SCRG1: variants seen among roughly 807,000 people sequenced by gnomAD.
The protein encoded by SCRG1 is stimulator of chondrogenesis 1.
A neutral mutation model predicts 7.7 loss-of-function variants in SCRG1; 3 were observed. The ratio of observed to expected loss-of-function variants is 0.39; its 90% CI spans 0.18 to 1.01. The LOEUF is 1.01. Among genes scored for constraint, SCRG1 ranks in the 50% least tolerant of loss-of-function variants. SCRG1 has a pLI of 0.36. For synonymous variants in SCRG1, 46 were observed against 41.2 expected (o/e 1.12, Z -0.44); for missense variants, 110 against 117.2 (o/e 0.94, Z 0.28).
chr4:173,518,637 C>CTG, the SCRG1 span, among the ~76,000 whole-genome samples: 20 of 152,152 alleles, frequency 1.3e-4, no homozygotes, highest in Non-Finnish European at 2.1e-4. Context: ...CCAGAACCTG[C>CTG]CGAGCCCCTG....
rs1739440687 is a variant in SCRG1, at chr4:173,391,383, C to T, written c.32G>A (p.Gly11Glu). The change falls in exon 2 of 3, where the codon GGG (glycine) becomes GAG (glutamate). Residue 11 changes from glycine (G) to glutamate (E), a missense_variant. Gly to Glu is a moderately conservative substitution (Grantham distance 98). Coordinates refer to ENST00000296506, the MANE Select transcript of SCRG1 (RefSeq NM_007281.4). MKLMVLVFTI[G>E]LTLLLGVQAM... ...TTGAACTCCTAGCAGCAAAGTTAGC[C>T]CAATGGTGAAAACAAGTACCATCAG... The T allele has an allele frequency of 1.2e-6, 2 of 1,614,004 alleles. No homozygotes were observed. The highest frequency in any genetic ancestry group is 1.7e-6 in the Non-Finnish European group (2 of 1,180,038).
chr4:173,482,807 G>C, the SCRG1 span, among the ~76,000 whole-genome samples: 1 of 148,670 alleles, frequency 6.7e-6, no homozygotes, highest in African/African-American at 2.5e-5. Context: ...GACAAAGTGA[G>C]ACCCTGTCTC....
the SCRG1 span, among the ~76,000 whole-genome samples, chr4:173,426,226 A>G: frequency 6.6e-6 from 1 of 152,326 alleles, no homozygotes; most frequent in South Asian, 2.1e-4. Flanking sequence ...TCTGTACTAC[A>G]TCTGTAGAAG....
At chr4:173,444,342 T>C in the SCRG1 span, among the ~76,000 whole-genome samples, 9 of 152,192 alleles carry the variant, frequency 5.9e-5, no homozygotes, top group African/African-American at 1.9e-4. Context: ...CATCATCTAT[T>C]CTTCCCTGAA....
At chr4:173,516,521 C>T in the SCRG1 span, among the ~76,000 whole-genome samples, 1 of 152,192 alleles carries the variant, frequency 6.6e-6, no homozygotes, top group Non-Finnish European at 1.5e-5. Context: ...CTCGTTTACG[C>T]CCAATCATAG....
At chr4:173,458,040 TG>T in the SCRG1 span, among the ~76,000 whole-genome samples, 1 of 152,182 alleles carries the variant, frequency 6.6e-6, no homozygotes, top group East Asian at 1.9e-4. Flanking sequence ...AGGGCTTTGG[TG>T]GGCTATGAAT....
chr4:173,500,030 T>A, the SCRG1 span, among the ~76,000 whole-genome samples: 1 of 152,210 alleles, frequency 6.6e-6, no homozygotes, highest in Non-Finnish European at 1.5e-5. Flanking sequence ...GTGTTTAATT[T>A]GTCCTTCACC....
At chr4:173,401,328 G>A (rs974107423), upstream of SCRG1, among the ~76,000 whole-genome samples, 3 of 152,214 alleles carry the variant, frequency 2.0e-5, no homozygotes, top group Non-Finnish European at 2.9e-5. Context: ...TTGTTTGCAT[G>A]ATTTAAATGT....
the SCRG1 span, among the ~76,000 whole-genome samples, chr4:173,446,238 C>A: frequency 6.6e-6 from 1 of 152,052 alleles, no homozygotes; most frequent in Non-Finnish European, 1.5e-5. Flanking sequence ...AAGGTCAAAA[C>A]CATTTTTGTA....
the SCRG1 span, among the ~76,000 whole-genome samples, chr4:173,484,714 T>TTATATATTATATGCATATAATACATAA: frequency 1.9e-4 from 17 of 89,702 alleles, no homozygotes; most frequent in South Asian, 3.3e-4. Flanking sequence ...ATAATACATA[T>TTATATATTATATGCATATAATACATAA]TATATATTAT....
chr4:173,441,417 G>T, the SCRG1 span, among the ~76,000 whole-genome samples: 2 of 152,010 alleles, frequency 1.3e-5, no homozygotes, highest in Admixed American at 6.6e-5. Flanking sequence ...AATATATATC[G>T]CATTAACACT....
At position 173,387,172 on chromosome 4, in the gene SCRG1, T is replaced by A. The variant is rs530974684; in HGVS notation, c.*1169A>T. ...AATGTATCATGGTTTTAAGGATACATCTGTGTGTGGCATATGGGCTTTGGA... is the reference window on the plus strand; with the variant it reads ...AATGTATCATGGTTTTAAGGATACAACTGTGTGTGGCATATGGGCTTTGGA... On this transcript the variant is annotated 3_prime_UTR_variant, in exon 3 of 3. Coordinates refer to ENST00000296506, the MANE Select transcript of SCRG1 (RefSeq NM_007281.4). 1 of 147,786 alleles carries A rather than the reference T, an allele frequency of 6.8e-6. No individual in the cohort carries two copies. The highest frequency in any genetic ancestry group is 1.5e-5 in the Non-Finnish European group (1 of 67,286). The allele number at this position is 147,786 out of a possible 1,614,324, so 9.2% of individuals were successfully genotyped here.
chr4:173,401,225 G>A (rs779226579), upstream of SCRG1, among the ~76,000 whole-genome samples: 1 of 152,292 alleles, frequency 6.6e-6, no homozygotes, highest in Non-Finnish European at 1.5e-5. Context: ...AGGTGTGTGC[G>A]CAATGGACTG....
the SCRG1 span, among the ~76,000 whole-genome samples, chr4:173,502,760 T>A: frequency 6.6e-6 from 1 of 152,196 alleles, no homozygotes; most frequent in Non-Finnish European, 1.5e-5. This position sits in a 1 kb window ranked among gnomAD's most constrained non-coding sequence, Gnocchi z 4.6. Flanking sequence ...CCAACCTGTC[T>A]GTTCCTGATC....
chr4:173,461,950 T>C, the SCRG1 span, among the ~76,000 whole-genome samples: 1 of 151,970 alleles, frequency 6.6e-6, no homozygotes, highest in African/African-American at 2.4e-5. Flanking sequence ...TCAAACCCCT[T>C]TAATAGCAGA....
chr4:173,391,021 A>T, intron 2 of SCRG1, 152 bp downstream of exon 2: 1 of 755,798 alleles, frequency 1.3e-6, no homozygotes, highest in Non-Finnish European at 2.2e-6. Context: ...TTAGTTCTTT[A>T]CACAATAGTG....
the SCRG1 span, among the ~76,000 whole-genome samples, chr4:173,510,684 G>T: frequency 6.6e-6 from 1 of 152,086 alleles, no homozygotes; most frequent in Non-Finnish European, 1.5e-5. The surrounding 1 kb of genome is among the most constrained non-coding windows in gnomAD (Gnocchi z 5.7). Context: ...TTGGGATATA[G>T]CCTCTCTACA....
the SCRG1 span, among the ~76,000 whole-genome samples, chr4:173,425,158 T>C: frequency 6.6e-6 from 1 of 152,138 alleles, no homozygotes. Flanking sequence ...TTGGAAAAAC[T>C]TAAGGCTGAG....
chr4:173,497,280 G>T, the SCRG1 span, among the ~76,000 whole-genome samples: 1 of 152,086 alleles, frequency 6.6e-6, no homozygotes, highest in Non-Finnish European at 1.5e-5. Context: ...CAACATTCTG[G>T]AGTGACTGCC....
Sources: gnomAD v4.1 joint callset for allele counts (sites outside exome capture counted in the v4.1 genomes callset) on GRCh38, gnomAD v4.1.1 for gene constraint, Gnocchi (gnomAD v3.1) non-coding constraint, MANE v1.5 for transcripts, NCBI Gene and HGNC (gene_info 2026-07-23, HGNC 2026-07-21) for gene names.